Variants in FBXL17 observed in about 807,000 individuals in gnomAD.
FBXL17 encodes F-box and leucine rich repeat protein 17.
A neutral mutation model predicts 66.2 loss-of-function variants in FBXL17; 22 were observed. The observed-to-expected ratio is 0.33, with a 90% CI of 0.24 to 0.47. FBXL17 has a LOEUF of 0.47. Ranked by LOEUF, FBXL17 falls within the 20% of genes least tolerant of loss-of-function variation. The probability of loss-of-function intolerance (pLI) is 1.00; values close to 1 mark genes in which losing one functional copy is unlikely to be tolerated. For missense variants in FBXL17, 878 were observed against 948.2 expected (o/e 0.93, Z 0.97); for synonymous variants, 474 against 400.5 (o/e 1.18, Z -2.19).
intron 5 of FBXL17, among the ~76,000 whole-genome samples, chr5:108,192,917 A>T (rs903331222): frequency 6.6e-6 from 1 of 152,238 alleles, no homozygotes; most frequent in African/African-American, 2.4e-5. Context: ...AAGTGGATGA[A>T]TTAACGAAAG....
chr5:108,090,717 AT>A (rs1365188129), intron 6 of FBXL17, among the ~76,000 whole-genome samples: 1 of 152,204 alleles, frequency 6.6e-6, no homozygotes, highest in East Asian at 1.9e-4. Flanking sequence ...CTTTGAAAAT[AT>A]AAAAGTCAGT....
intron 7 of FBXL17, among the ~76,000 whole-genome samples, chr5:107,901,713 T>C (rs940606915): frequency 6.6e-6 from 1 of 152,180 alleles, no homozygotes; most frequent in African/African-American, 2.4e-5. Context: ...TGATGGTGAC[T>C]CAGATGTAAT....
chr5:107,862,261 G>C (rs1748144945), intron 8 of FBXL17, among the ~76,000 whole-genome samples: 2 of 151,682 alleles, frequency 1.3e-5, no homozygotes, highest in African/African-American at 4.8e-5. Context: ...TGGAATGCCG[G>C]AGAGGACACA....
intron 8 of FBXL17, among the ~76,000 whole-genome samples, chr5:107,868,612 A>G (rs1748351294): frequency 6.6e-6 from 1 of 152,236 alleles, no homozygotes; most frequent in Non-Finnish European, 1.5e-5. Flanking sequence ...TGCAAGCCAG[A>G]TATGGTCCCT....
At chr5:108,360,780 T>C (rs1439626918) in intron 3 of FBXL17, among the ~76,000 whole-genome samples, 1 of 152,108 alleles carries the variant, frequency 6.6e-6, no homozygotes. Flanking sequence ...TTTTCTTCAC[T>C]CTTTTTTCTT....
In FBXL17 at chr5:107,884,991, T is replaced by C. The variant is rs187522777; in HGVS notation, c.1823-3812A>G. On this transcript the variant is annotated intron_variant, in intron 7 of 8. Transcript: ENST00000542267. ...GCATTATATAAATACTTAGTCATTA[T>C]GTCACTGCTAGAGTCTTGAACTGCC... Among the ~76,000 whole-genome samples the C allele has an allele frequency of 6.2e-4, 95 of 152,358 alleles. No homozygotes were observed. The East Asian group carries it at 0.016, about 26-fold the overall frequency.
chr5:108,074,027 C>CTCTATA (rs1748446374), intron 6 of FBXL17, among the ~76,000 whole-genome samples: 1 of 152,234 alleles, frequency 6.6e-6, no homozygotes, highest in African/African-American at 2.4e-5. Context: ...AGCCTCTTGA[C>CTCTATA]TCTATAACCT....
chr5:107,880,480 C>T (rs1480291845), intron 8 of FBXL17: 1 of 995,234 alleles, frequency 1.0e-6, no homozygotes, highest in African/African-American at 1.7e-5. Flanking sequence ...CCACCAGGAC[C>T]TCTGGAACCA....
At chr5:107,950,729 CAACCTCAAATCTGCTATT>C (rs1751472495) in intron 7 of FBXL17, among the ~76,000 whole-genome samples, 1 of 152,172 alleles carries the variant, frequency 6.6e-6, no homozygotes, top group Non-Finnish European at 1.5e-5. Flanking sequence ...AACCAATTTA[CAACCTCAAATCTGCTATT>C]AACCTCAAAA....
intron 4 of FBXL17, among the ~76,000 whole-genome samples, chr5:108,334,430 C>T (rs1161292625): frequency 1.3e-5 from 2 of 152,192 alleles, no homozygotes; most frequent in Non-Finnish European, 2.9e-5. Context: ...CCCTACCTCA[C>T]ATCTGTCAGA....
chr5:108,124,668 A>C (rs1054367610), intron 6 of FBXL17, among the ~76,000 whole-genome samples: 13 of 152,096 alleles, frequency 8.5e-5, no homozygotes, highest in Admixed American at 3.9e-4. Flanking sequence ...ATATTTTTAC[A>C]GCAAGCATAA....
At chr5:108,370,141 C>T (rs79197745) in intron 1 of FBXL17, among the ~76,000 whole-genome samples, 26 of 152,298 alleles carry the variant, frequency 1.7e-4, no homozygotes, top group African/African-American at 6.3e-4. Flanking sequence ...AAAATATGTG[C>T]AGGCATGGGG....
At chr5:107,943,433 T>C (rs749854236) in intron 7 of FBXL17, among the ~76,000 whole-genome samples, 7 of 152,122 alleles carry the variant, frequency 4.6e-5, no homozygotes, top group Non-Finnish European at 8.8e-5. Flanking sequence ...CCCTTTCCCT[T>C]ACCACTAGCC....
At chr5:108,335,793 G>GA (rs1339466095) in intron 4 of FBXL17, among the ~76,000 whole-genome samples, 1 of 151,900 alleles carries the variant, frequency 6.6e-6, no homozygotes, top group Non-Finnish European at 1.5e-5. Flanking sequence ...AAGTATATTA[G>GA]AAAAATGTGA....
At chr5:108,094,852 A>C (rs1311838690) in intron 6 of FBXL17, among the ~76,000 whole-genome samples, 2 of 151,056 alleles carry the variant, frequency 1.3e-5, no homozygotes, top group Non-Finnish European at 2.9e-5. Flanking sequence ...AGGTTATATC[A>C]AAATTGACAG....
intron 7 of FBXL17, among the ~76,000 whole-genome samples, chr5:107,931,260 T>TTC: frequency 2.3e-5 from 2 of 85,738 alleles, no homozygotes; most frequent in African/African-American, 6.8e-5. Flanking sequence ...AAAGAGAATT[T>TTC]TTTTTTTTTT....
At chr5:107,910,868 T>C (rs543357542) in intron 7 of FBXL17, among the ~76,000 whole-genome samples, 9 of 152,112 alleles carry the variant, frequency 5.9e-5, no homozygotes, top group Admixed American at 3.3e-4. Context: ...TTGAAAAAAG[T>C]ATAAAACTTT....
intron 7 of FBXL17, among the ~76,000 whole-genome samples, chr5:108,003,304 A>C (rs1753805567): frequency 1.3e-5 from 2 of 152,170 alleles, no homozygotes; most frequent in Non-Finnish European, 2.9e-5. Context: ...AAAGTAGTCC[A>C]AACTGCCCAA....
intron 7 of FBXL17, among the ~76,000 whole-genome samples, chr5:107,995,434 T>C (rs1753433139): frequency 6.6e-6 from 1 of 152,154 alleles, no homozygotes; most frequent in Non-Finnish European, 1.5e-5. Context: ...ATATTTAAAC[T>C]CTATCAGGTG....
Sources: gnomAD v4.1 joint callset for allele counts (sites outside exome capture counted in the v4.1 genomes callset) on GRCh38, gnomAD v4.1.1 for gene constraint, MANE v1.5 for transcripts, NCBI Gene and HGNC (gene_info 2026-07-23, HGNC 2026-07-21) for gene names.